Variants in KRT7 observed in about 807,000 individuals in gnomAD.
KRT7 encodes keratin 7.
Under a neutral mutation model 42.8 loss-of-function variants are expected in KRT7, and 50 were observed. That is an observed-to-expected ratio of 1.17 (90% CI 0.93 to 1.48). The LOEUF (loss-of-function observed/expected upper bound fraction) is 1.48, where lower values mean the gene tolerates loss of function less well. KRT7 is among the 40% of genes most tolerant of loss of function. The pLI is 0.00. For missense variants in KRT7, 588 were observed against 637.6 expected (o/e 0.92, Z 0.84); for synonymous variants, 268 against 266.3 (o/e 1.01, Z -0.06).
At chr12:52,250,749 C>A, downstream of KRT7, 1 of 432,798 alleles carries the variant, frequency 2.3e-6, no homozygotes, top group Admixed American at 3.1e-5. Context: ...CTCACATGGG[C>A]ACTCCTTCCT....
At chr12:52,252,625 A>G (rs75604794), downstream of KRT7, 54,419 of 1,004,860 alleles carry the variant, frequency 0.054, 2,293 homozygotes, top group African/African-American at 0.19. Context: ...GCTCCCAGGC[A>G]TGTTTGCACA....
chr12:52,245,122 C>A (rs1565721310), intron 6 of KRT7: 7 of 529,150 alleles, frequency 1.3e-5, no homozygotes, highest in Non-Finnish European at 2.0e-5. Flanking sequence ...TATATTATCT[C>A]ATTTCATCCT....
At chr12:52,248,293 C>A in intron 8 of KRT7, 82 bp downstream of exon 8, 1 of 1,426,180 alleles carries the variant, frequency 7.0e-7, no homozygotes, top group Non-Finnish European at 9.9e-7. Flanking sequence ...CAGACTGGCC[C>A]AGGGCCCTGC....
downstream of KRT7, chr12:52,250,629 G>C: frequency 1.2e-6 from 1 of 823,680 alleles, no homozygotes; most frequent in Non-Finnish European, 2.0e-6. Flanking sequence ...CCCGCCGCGA[G>C]AGCTGCTGAC....
chr12:52,245,771 C>G, intron 7 of KRT7, 139 bp downstream of exon 7: 1 of 1,087,924 alleles, frequency 9.2e-7, no homozygotes, highest in Non-Finnish European at 1.3e-6. Flanking sequence ...GAACACAGAG[C>G]TGATGCTTGC....
rs983463655 is a variant in KRT7 at position 52,237,402 on chromosome 12, A to C, written c.537-107A>C. The C allele has an allele frequency of 7.9e-6, 6 of 757,688 alleles. No homozygotes were observed. In the African/African-American group the frequency reaches 1.1e-4, roughly 14 times the overall value. 46.9% of individuals were successfully genotyped at this position (757,688 alleles called of 1,614,324 possible). ...CCTGTTTTTTCAGGTGTGTCTTTAAAGAGTAGGGGAAGGGAGGCAGGGCAG... is the reference window on the plus strand; with the variant it reads ...CCTGTTTTTTCAGGTGTGTCTTTAACGAGTAGGGGAAGGGAGGCAGGGCAG... On this transcript the variant is annotated intron_variant, in intron 2 of 8. Coordinates refer to ENST00000331817, the MANE Select transcript of KRT7 (RefSeq NM_005556.4).
Position 52,233,440 on chromosome 12 carries a change from C to A in KRT7, c.144C>A (p.Arg48=), listed in dbSNP as rs1941952433. 1.3e-6 allele frequency: 2 copies of A among 1,568,052 alleles called. No homozygotes were observed. Among genetic ancestry groups the A allele is most frequent in the Non-Finnish European group, 1.7e-6 (2 of 1,164,288 alleles). ...ACGGCCTCGGCGCCTCACGGCCGCG[C>A]GTGGCCGTGCGCTCTGCCTATGGGG... ...SLYGLGASRP[R]VAVRSAYGGP... Residue 48 remains arginine, a synonymous_variant, in exon 1 of 9, where the codon CGC becomes CGA. Coordinates refer to ENST00000331817, the MANE Select transcript of KRT7 (RefSeq NM_005556.4).
In KRT7 at chr12:52,248,194, T is replaced by C. The variant is rs1167679045; in HGVS notation, c.1223T>C (p.Val408Ala). 2.5e-6 allele frequency: 4 copies of C among 1,613,774 alleles called. No individual in the cohort carries two copies. Among genetic ancestry groups the C allele is most frequent in the East Asian group, 2.2e-5 (1 of 44,876 alleles). ...GCCCCCAGGTTGGCTGGAGATGGAG[T>C]GGGAGCCGTGAATATCTGTAAGTCC... The part of the protein sequence containing the change: ...GEESRLAGDG[V>A]GAVNISVMNS... The change falls in exon 8 of 9, where the codon GTG (valine) becomes GCG (alanine). Residue 408 changes from valine to alanine, a missense_variant. By Grantham distance (64) the Val-to-Ala change is moderately conservative. Coordinates refer to ENST00000331817, the MANE Select transcript of KRT7 (RefSeq NM_005556.4).
At chr12:52,238,536 A>G in intron 3 of KRT7, 144 bp from the exon 4 acceptor site, 1 of 629,686 alleles carries the variant, frequency 1.6e-6, no homozygotes. Context: ...GTGACCATGT[A>G]CAGCAGCTGT....
intron 2 of KRT7, among the ~76,000 whole-genome samples, chr12:52,236,673 A>T (rs1565717237): frequency 6.6e-6 from 1 of 152,194 alleles, no homozygotes; most frequent in Non-Finnish European, 1.5e-5. Context: ...GCCTACCTGG[A>T]TGTCCTGCCT....
chr12:52,237,192 A>C (rs1942022502), intron 2 of KRT7, among the ~76,000 whole-genome samples: 1 of 152,116 alleles, frequency 6.6e-6, no homozygotes, highest in South Asian at 2.1e-4. Flanking sequence ...AATGGTGCAC[A>C]CCCCATAGAA....
chr12:52,239,476 C>T lies in KRT7; in HGVS notation c.693+701C>T, dbSNP rs144356827. 2.0e-4 allele frequency among the ~76,000 whole-genome samples: 30 copies of T among 152,250 alleles called. No homozygotes were observed. In the East Asian group the frequency reaches 3.5e-3, roughly 18 times the overall value. On this transcript the variant is annotated intron_variant, in intron 4 of 8. Transcript: ENST00000331817. ...ACATTATTTCCTTCATCAGGGGTTG[C>T]GAGGATTTATCCTGCCCTTTATCCC...
chr12:52,240,398 G>A (rs1942070745), intron 4 of KRT7, among the ~76,000 whole-genome samples: 2 of 152,228 alleles, frequency 1.3e-5, no homozygotes, highest in Admixed American at 1.3e-4. Flanking sequence ...GGGAGGCCGA[G>A]GTGAGTGGAT....
downstream of KRT7, chr12:52,250,597 C>CG: frequency 8.2e-7 from 1 of 1,224,120 alleles, no homozygotes; most frequent in African/African-American, 1.5e-5. Flanking sequence ...GAGCCCGACA[C>CG]GCACAGGTCC....
intron 5 of KRT7, 62 bp downstream of exon 5, chr12:52,241,698 T>C: frequency 6.9e-7 from 1 of 1,455,958 alleles, no homozygotes; most frequent in Non-Finnish European, 9.4e-7. Context: ...CTTCCCTTAC[T>C]CCTCAACTTG....
At chr12:52,244,806 C>T (rs981681243) in intron 6 of KRT7, among the ~76,000 whole-genome samples, 1 of 152,130 alleles carries the variant, frequency 6.6e-6, no homozygotes, top group African/African-American at 2.4e-5. Context: ...CCTGACCAAA[C>T]CCGGGGACTG....
At position 52,248,212 on chromosome 12, in the gene KRT7, G is replaced by GT. The variant is rs765845175; in HGVS notation, c.1240+2dup. On this transcript the variant is annotated splice_donor_variant, in intron 8 of 8. Coordinates refer to ENST00000331817, the MANE Select transcript of KRT7 (RefSeq NM_005556.4). LOFTEE classifies it high-confidence loss of function. ...GATGGAGTGGGAGCCGTGAATATCTGTAAGTCCTTGGCTGCGGCCCATGGG... is the reference window on the plus strand; with the variant it reads ...GATGGAGTGGGAGCCGTGAATATCTGTTAAGTCCTTGGCTGCGGCCCATGGG... 2 of 1,614,054 alleles carry GT rather than the reference G, an allele frequency of 1.2e-6. No individual in the cohort carries two copies. The highest frequency in any genetic ancestry group is 4.5e-5 in the East Asian group (2 of 44,880).
chr12:52,233,418 G>A lies in KRT7; in HGVS notation c.122G>A (p.Gly41Asp), dbSNP rs899676160. Reference sequence around the variant, plus strand: ...GGCCTTGGCAGCAGCAGCCTCTACGGCCTCGGCGCCTCACGGCCGCGCGTG... The same window carrying A: ...GGCCTTGGCAGCAGCAGCCTCTACGACCTCGGCGCCTCACGGCCGCGCGTG... ...PGGLGSSSLY[G>D]LGASRPRVAV... Residue 41 changes from glycine (G) to aspartate (D), a missense_variant, in exon 1 of 9, where the codon GGC becomes GAC. By Grantham distance (94) the Gly-to-Asp change is moderately conservative (BLOSUM62 -1). Transcript: ENST00000331817. The A allele has an allele frequency of 6.4e-7, 1 of 1,555,848 alleles. No individual in the cohort carries two copies. Among genetic ancestry groups the A allele is most frequent in the Non-Finnish European group, 8.6e-7 (1 of 1,158,376 alleles).
downstream of KRT7, chr12:52,253,099 T>C: frequency 1.0e-6 from 1 of 970,300 alleles, no homozygotes; most frequent in South Asian, 1.3e-5. Context: ...TCTGTCCTCA[T>C]GCTGGGTGTT....
Sources: allele counts gnomAD v4.1 joint callset (sites outside exome capture counted in the v4.1 genomes callset), GRCh38; gene constraint gnomAD v4.1.1; transcripts MANE v1.5; gene names NCBI Gene and HGNC (gene_info 2026-07-23, HGNC 2026-07-21).